The following ATG10 variants were observed in gnomAD, a reference collection of about 807,000 sequenced individuals.
ATG10 encodes the protein ubiquitin-like-conjugating enzyme ATG10.
In ATG10, 30 loss-of-function variants were observed where a neutral mutation model predicts 32.1. That is an observed-to-expected ratio of 0.94 (90% confidence interval 0.70 to 1.27). The LOEUF (loss-of-function observed/expected upper bound fraction) is 1.27, where lower values mean the gene tolerates loss of function less well. ATG10 is among the 50% of genes most tolerant of loss of function. The pLI is 0.00. For missense variants in ATG10, 233 were observed against 262.3 expected (o/e 0.89, Z 0.77); for synonymous variants, 87 against 91.5 (o/e 0.95, Z 0.28).
At chr5:82,027,977 C>T (rs535675424) in intron 2 of ATG10, among the ~76,000 whole-genome samples, 2 of 152,314 alleles carry the variant, frequency 1.3e-5, no homozygotes, top group East Asian at 3.8e-4. Context: ...AAAACCAAAG[C>T]TCTTTTTGAG....
At chr5:82,050,734 G>C (rs1398530975) in intron 2 of ATG10, among the ~76,000 whole-genome samples, 1 of 150,920 alleles carries the variant, frequency 6.6e-6, no homozygotes, top group Non-Finnish European at 1.5e-5. Flanking sequence ...GGGTGTGGTG[G>C]CTTACACCTG....
chr5:82,245,130 T>G (rs1746973262), intron 5 of ATG10, among the ~76,000 whole-genome samples: 1 of 152,202 alleles, frequency 6.6e-6, no homozygotes, highest in Non-Finnish European at 1.5e-5. Context: ...CCCAATAGTT[T>G]TGATGTTCTT....
chr5:82,090,171 A>AT (rs1764835066), intron 3 of ATG10, among the ~76,000 whole-genome samples: 1 of 152,266 alleles, frequency 6.6e-6, no homozygotes, highest in South Asian at 2.1e-4. Flanking sequence ...GGAATGTAAA[A>AT]TGATATAGCC....
intron 2 of ATG10, among the ~76,000 whole-genome samples, chr5:82,014,252 T>C (rs1367475990): frequency 1.3e-5 from 2 of 152,208 alleles, no homozygotes; most frequent in African/African-American, 4.8e-5. Flanking sequence ...CTTCCAACTA[T>C]GTGGTCAATT....
chr5:82,175,382 A>C (rs1743973533), intron 4 of ATG10, among the ~76,000 whole-genome samples: 1 of 152,104 alleles, frequency 6.6e-6, no homozygotes, highest in Admixed American at 6.6e-5. Context: ...CTGGCTTCAA[A>C]TAATCCTCCC....
intron 5 of ATG10, among the ~76,000 whole-genome samples, chr5:82,221,988 C>G (rs79097819): frequency 0.015 from 2,258 of 152,278 alleles, 38 homozygotes; most frequent in African/African-American, 0.05. Context: ...AAAGGTCATG[C>G]TTGAAGTAAG....
chr5:82,007,566 C>A (rs757680209), intron 2 of ATG10, among the ~76,000 whole-genome samples: 2 of 152,190 alleles, frequency 1.3e-5, no homozygotes, highest in Non-Finnish European at 2.9e-5. Context: ...GATCTTCCCA[C>A]CTCAGCCGCC....
chr5:82,162,795 T>G (rs1449948498), intron 3 of ATG10, among the ~76,000 whole-genome samples: 2 of 133,834 alleles, frequency 1.5e-5, no homozygotes, highest in African/African-American at 2.9e-5. Context: ...AAATATCCAC[T>G]CTAGGAGCAT....
intron 3 of ATG10, chr5:82,147,834 C>T (rs1235814554): frequency 6.6e-6 from 1 of 152,442 alleles, no homozygotes; most frequent in African/African-American, 2.4e-5. Context: ...GCCTGCCCTC[C>T]CCCAGTCCTT....
At position 82,052,301 on chromosome 5, in the gene ATG10, G is replaced by A. The variant is rs932292549; in HGVS notation, c.109-6194G>A. ...GCTGGATTCCAGCAGGCATAACATA[G>A]CTTGCTGGGTGGCATAGCCCTATGA... On this transcript the variant is annotated intron_variant, in intron 2 of 7. Coordinates refer to ENST00000282185, the MANE Select transcript of ATG10 (RefSeq NM_031482.5). Among the ~76,000 whole-genome samples, 13 of 152,250 alleles carry A rather than the reference G, an allele frequency of 8.5e-5. No homozygotes were observed. In the South Asian group the frequency reaches 1.2e-3, roughly 15 times the overall value.
At chr5:82,042,885 C>T (rs77249436) in intron 2 of ATG10, among the ~76,000 whole-genome samples, 35,766 of 152,002 alleles carry the variant, frequency 0.24, 4,500 homozygotes, top group African/African-American at 0.32. Context: ...CTGCTTTCCC[C>T]GGCTGGTTTT....
At chr5:82,238,060 G>T (rs865811251) in intron 5 of ATG10, among the ~76,000 whole-genome samples, 1 of 152,160 alleles carries the variant, frequency 6.6e-6, no homozygotes, top group Non-Finnish European at 1.5e-5. Flanking sequence ...TCTTTCCATC[G>T]ATAGGGCCTC....
At chr5:82,057,836 G>A (rs935631593) in intron 2 of ATG10, among the ~76,000 whole-genome samples, 1 of 152,148 alleles carries the variant, frequency 6.6e-6, no homozygotes, top group East Asian at 1.9e-4. Context: ...TTTGCAAATG[G>A]TGGTCATTTC....
chr5:82,197,640 C>T (rs866523634), intron 5 of ATG10, among the ~76,000 whole-genome samples: 3 of 152,132 alleles, frequency 2.0e-5, no homozygotes, highest in Middle Eastern at 3.4e-3. Context: ...TTCTTCCCAC[C>T]CACCTTCTCC....
intron 2 of ATG10, among the ~76,000 whole-genome samples, chr5:82,036,751 G>A (rs747250707): frequency 1.2e-4 from 18 of 151,578 alleles, no homozygotes; most frequent in Non-Finnish European, 2.4e-4. Flanking sequence ...GATTTTTTCC[G>A]TATTCTACAG....
chr5:82,058,036 A>C (rs549769323), intron 2 of ATG10, among the ~76,000 whole-genome samples: 1 of 152,232 alleles, frequency 6.6e-6, no homozygotes. Flanking sequence ...GCTGAGATGC[A>C]TAAGTACCTT....
intron 3 of ATG10, among the ~76,000 whole-genome samples, chr5:82,145,133 CCTT>C (rs530756476): frequency 2.1e-3 from 322 of 151,806 alleles, no homozygotes; most frequent in Non-Finnish European, 3.2e-3. Context: ...ACATGATCTG[CCTT>C]CTTCTTCATA....
chr5:82,221,207 A>G (rs539663268), intron 5 of ATG10, among the ~76,000 whole-genome samples: 57 of 152,190 alleles, frequency 3.7e-4, no homozygotes, highest in African/African-American at 1.3e-3. Flanking sequence ...CTGTGATGCA[A>G]TACCTCTGCA....
intron 2 of ATG10, among the ~76,000 whole-genome samples, chr5:82,017,155 CTT>C (rs546239476): frequency 4.2e-5 from 6 of 141,216 alleles, no homozygotes; most frequent in Admixed American, 7.1e-5. Context: ...TATTTTATCT[CTT>C]TTTTTTTTTT....
Sources: gnomAD v4.1 joint callset for allele counts (sites outside exome capture counted in the v4.1 genomes callset) on GRCh38, gnomAD v4.1.1 for gene constraint, MANE v1.5 for transcripts, NCBI Gene and HGNC (gene_info 2026-07-23, HGNC 2026-07-21) for gene names.